ABHD12B: variants seen among roughly 807,000 people sequenced by gnomAD.
The protein encoded by ABHD12B is protein ABHD12B.
In ABHD12B, 42 loss-of-function variants were observed where a neutral mutation model predicts 50.4. The observed-to-expected ratio is 0.83, with a 90% CI of 0.65 to 1.08. ABHD12B has a LOEUF of 1.08. ABHD12B is among the 50% of genes least tolerant of loss of function. The pLI is 0.00. For synonymous variants in ABHD12B, 167 were observed against 160.3 expected (o/e 1.04, Z -0.32); for missense variants, 479 against 447.7 (o/e 1.07, Z -0.63).
intron 9 of ABHD12B, among the ~76,000 whole-genome samples, chr14:50,889,503 C>T (rs6572704): frequency 0.99 from 150,491 of 152,184 alleles, 74,429 homozygotes; most frequent in Middle Eastern, 1. Flanking sequence ...CTGGGTGTGG[C>T]GGCACGCACC....
chr14:50,896,555 A>G (rs1161502455), intron 9 of ABHD12B, among the ~76,000 whole-genome samples: 1 of 148,996 alleles, frequency 6.7e-6, no homozygotes, highest in Non-Finnish European at 1.5e-5. Flanking sequence ...GCCCCACCTT[A>G]ACTGAGTGAT....
intron 2 of ABHD12B, 91 bp from the exon 3 acceptor site, chr14:50,878,654 G>A (rs983801529): frequency 1.3e-5 from 13 of 1,030,726 alleles, no homozygotes; most frequent in Non-Finnish European, 1.9e-5. Flanking sequence ...TTAGAAGCCT[G>A]TTAACCTGTG....
chr14:50,877,802 G>A, intron 1 of ABHD12B, 150 bp from the exon 2 acceptor site: 2 of 664,378 alleles, frequency 3.0e-6, no homozygotes, highest in Non-Finnish European at 4.4e-6. Context: ...GGGAGGCAGA[G>A]GTTGCAGTGA....
intron 9 of ABHD12B, among the ~76,000 whole-genome samples, chr14:50,890,868 C>G (rs2050108006): frequency 6.6e-6 from 1 of 152,186 alleles, no homozygotes; most frequent in African/African-American, 2.4e-5. Flanking sequence ...ATATGGCCAG[C>G]TTTAATCATT....
intron 1 of ABHD12B, among the ~76,000 whole-genome samples, chr14:50,875,563 A>G (rs1390311362): frequency 3.9e-5 from 6 of 152,318 alleles, no homozygotes; most frequent in Admixed American, 3.3e-4. Flanking sequence ...AAAGAACACC[A>G]AAGCACCAAG....
In ABHD12B at chr14:50,877,988, A is replaced by C. The variant is rs1470953451; in HGVS notation, c.141A>C (p.Lys47Asn). The C allele has an allele frequency of 1.3e-6, 2 of 1,534,472 alleles. No individual in the cohort carries two copies. The highest frequency in any genetic ancestry group is 2.7e-5 in the African/African-American group (2 of 72,972). ...ACTCCTGTTCAATGCTCGGAAGAAA[A>C]ATTGCTGCTCTGTATGACAGCTTTA... ...FPHSCSMLGR[K>N]IAALYDSFTS... The change falls in exon 2 of 13, where the codon AAA becomes AAC. Residue 47 changes from lysine to asparagine, a missense_variant. Lys to Asn is a moderately conservative substitution (Grantham distance 94). Coordinates refer to ENST00000337334, the MANE Select transcript of ABHD12B (RefSeq NM_001206673.2).
intron 9 of ABHD12B, among the ~76,000 whole-genome samples, chr14:50,894,355 C>A (rs1325917730): frequency 1.3e-5 from 2 of 152,012 alleles, no homozygotes. Context: ...GTGCCCCAAC[C>A]CCTTCTCTGC....
intron 5 of ABHD12B, 28 bp from the exon 6 acceptor site, chr14:50,885,586 A>G (rs751201424): frequency 1.1e-5 from 18 of 1,613,968 alleles, no homozygotes; most frequent in Non-Finnish European, 1.5e-5. Flanking sequence ...CTTCTAATTA[A>G]AGTGATAACA....
chr14:50,901,750 T>G, intron 9 of ABHD12B, 79 bp from the exon 10 acceptor site: 1 of 879,472 alleles, frequency 1.1e-6, no homozygotes, highest in South Asian at 2.0e-5. Context: ...TGTGTTACCC[T>G]GGTTCATAGT....
intron 1 of ABHD12B, among the ~76,000 whole-genome samples, chr14:50,874,101 C>T (rs546605157): frequency 1.3e-5 from 2 of 152,336 alleles, no homozygotes; most frequent in East Asian, 3.9e-4. Context: ...TTGCCATGCC[C>T]CTGGCCCTGA....
At chr14:50,882,109 A>G (rs569463140) in intron 5 of ABHD12B, among the ~76,000 whole-genome samples, 138 of 145,340 alleles carry the variant, frequency 9.5e-4, no homozygotes, top group Non-Finnish European at 1.7e-3. Flanking sequence ...CTAATTTTGT[A>G]TTTTTTAGTA....
In ABHD12B at chr14:50,892,474, G is replaced by T. The variant is rs913501945; in HGVS notation, c.780+3571G>T. 3 of 985,320 alleles carry T rather than the reference G, an allele frequency of 3.0e-6. No homozygotes were observed. In the African/African-American group the frequency reaches 5.2e-5, roughly 17 times the overall value. 61.0% of individuals were successfully genotyped at this position (985,320 alleles called of 1,614,324 possible). A position where few individuals can be genotyped will look rare whatever the true frequency, so the allele number is the denominator to read the frequency against. On this transcript the variant is annotated intron_variant, in intron 9 of 12. Coordinates refer to ENST00000337334, the MANE Select transcript of ABHD12B (RefSeq NM_001206673.2). Reference sequence around the variant, plus strand: ...TTTCTGCCCTCCGCTAAGGTAGGCAGTGGAGGAGGGGCGGGAGGATGGCGT... The same window carrying T: ...TTTCTGCCCTCCGCTAAGGTAGGCATTGGAGGAGGGGCGGGAGGATGGCGT...
intron 8 of ABHD12B, among the ~76,000 whole-genome samples, chr14:50,888,325 T>A (rs1330206490): frequency 6.6e-6 from 1 of 151,706 alleles, no homozygotes; most frequent in Non-Finnish European, 1.5e-5. Flanking sequence ...TGCCTCAGCC[T>A]CTCGAGTAGC....
At chr14:50,880,245 CT>C (rs2049920557) in intron 3 of ABHD12B, among the ~76,000 whole-genome samples, 1 of 143,316 alleles carries the variant, frequency 7.0e-6, no homozygotes, top group African/African-American at 2.7e-5. Flanking sequence ...AAGGCATTGT[CT>C]CTGTGCATGG....
intron 9 of ABHD12B, among the ~76,000 whole-genome samples, chr14:50,899,111 T>C (rs926884441): frequency 6.6e-6 from 1 of 152,152 alleles, no homozygotes; most frequent in Admixed American, 6.5e-5. Context: ...GAAAATCACT[T>C]GAACCCGGGA....
At chr14:50,883,135 C>T (rs902999484) in intron 5 of ABHD12B, among the ~76,000 whole-genome samples, 14 of 152,168 alleles carry the variant, frequency 9.2e-5, no homozygotes, top group Non-Finnish European at 2.1e-4. Flanking sequence ...GCAGGCTTTC[C>T]ACTTAGCCAT....
At chr14:50,876,078 T>C (rs2049860073) in intron 1 of ABHD12B, among the ~76,000 whole-genome samples, 1 of 152,152 alleles carries the variant, frequency 6.6e-6, no homozygotes, top group Admixed American at 6.6e-5. Context: ...TCAAAGTGGC[T>C]TCTCTGGGTT....
intron 1 of ABHD12B, among the ~76,000 whole-genome samples, chr14:50,875,319 C>T (rs1429403114): frequency 3.9e-5 from 6 of 152,158 alleles, no homozygotes; most frequent in Non-Finnish European, 5.9e-5. Flanking sequence ...AAACACATGT[C>T]GACTGAGTGA....
At chr14:50,874,420 G>A (rs1204563255) in intron 1 of ABHD12B, among the ~76,000 whole-genome samples, 3 of 152,064 alleles carry the variant, frequency 2.0e-5, no homozygotes, top group Non-Finnish European at 2.9e-5. Flanking sequence ...CTAACACAGT[G>A]AAACCCTGTC....
Sources: gnomAD v4.1 joint callset for allele counts (sites outside exome capture counted in the v4.1 genomes callset) on GRCh38, gnomAD v4.1.1 for gene constraint, MANE v1.5 for transcripts, NCBI Gene and HGNC (gene_info 2026-07-23, HGNC 2026-07-21) for gene names.